MICAL3: variants seen among roughly 807,000 people sequenced by gnomAD.
MICAL3 encodes microtubule associated monooxygenase, calponin and LIM domain containing 3.
A neutral mutation model predicts 207.4 loss-of-function variants in MICAL3; 62 were observed. That is an observed-to-expected ratio of 0.30 (90% confidence interval 0.24 to 0.37). The LOEUF (loss-of-function observed/expected upper bound fraction) is 0.37. MICAL3 is among the 10% of genes least tolerant of loss of function. The pLI is 1.00. For missense variants in MICAL3, 2,368 were observed against 2,635.6 expected (o/e 0.90, Z 2.22); for synonymous variants, 1,077 against 1,069.3 (o/e 1.01, Z -0.14).
At chr22:17,962,118 T>C (rs1050225551) in intron 1 of MICAL3, among the ~76,000 whole-genome samples, 1 of 152,316 alleles carries the variant, frequency 6.6e-6, no homozygotes, top group Middle Eastern at 3.4e-3. Flanking sequence ...ATCGAGTGCT[T>C]GCTGACTGCA....
intron 1 of MICAL3, among the ~76,000 whole-genome samples, chr22:17,940,538 T>G (rs73876532): frequency 2.2e-3 from 328 of 152,232 alleles, no homozygotes; most frequent in African/African-American, 7.5e-3. Flanking sequence ...AGTGAAGGAC[T>G]AGTTCCATGA....
Position 17,929,755 on chromosome 22 carries a change from G to A in MICAL3, c.-74-22869C>T, listed in dbSNP as rs184969322. Reference sequence around the variant, plus strand: ...GCTAATTTTTTGTATTTTTAGTAGAGACAGGGTTTCACCTGATGCCCAGGC... The same window carrying A: ...GCTAATTTTTTGTATTTTTAGTAGAAACAGGGTTTCACCTGATGCCCAGGC... On this transcript the variant is annotated intron_variant, in intron 1 of 31. Transcript: ENST00000441493. Among the ~76,000 whole-genome samples the A allele has an allele frequency of 6.5e-3, 994 of 151,994 alleles. 10 individuals carry two copies. Among genetic ancestry groups the A allele is most frequent in the African/African-American group, 0.023 (963 of 41,486 alleles).
intron 19 of MICAL3, among the ~76,000 whole-genome samples, chr22:17,857,525 G>A (rs946799095): frequency 6.6e-6 from 1 of 152,238 alleles, no homozygotes; most frequent in Non-Finnish European, 1.5e-5. Context: ...GTGCAGGAGA[G>A]TTGATCACAG....
chr22:17,932,231 A>T (rs368204189), intron 1 of MICAL3, among the ~76,000 whole-genome samples: 2 of 152,176 alleles, frequency 1.3e-5, no homozygotes, highest in East Asian at 3.8e-4. Flanking sequence ...CCAGAGAGAA[A>T]GGTCGAGTTA....
intron 1 of MICAL3, among the ~76,000 whole-genome samples, chr22:18,012,458 T>G (rs2146505848): frequency 6.6e-6 from 1 of 152,262 alleles, no homozygotes; most frequent in African/African-American, 2.4e-5. Context: ...GGCCAGACAG[T>G]GCTGAGACCA....
intron 1 of MICAL3, among the ~76,000 whole-genome samples, chr22:17,982,162 G>A (rs1935940988): frequency 6.6e-6 from 1 of 152,194 alleles, no homozygotes; most frequent in East Asian, 1.9e-4. Flanking sequence ...GTAGGCCACG[G>A]CTCACTACTG....
intron 18 of MICAL3, among the ~76,000 whole-genome samples, chr22:17,865,428 G>A (rs552317673): frequency 1.3e-5 from 2 of 152,300 alleles, no homozygotes; most frequent in African/African-American, 4.8e-5. Flanking sequence ...AAGAGGATAA[G>A]GAAGGAAAAA....
Position 17,790,431 on chromosome 22 carries a change from A to C in MICAL3, c.*301T>G. The C allele has an allele frequency of 2.7e-6, 1 of 373,488 alleles. No individual in the cohort carries two copies. The highest frequency in any genetic ancestry group is 4.9e-6 in the Non-Finnish European group (1 of 205,008). 23.1% of individuals were successfully genotyped at this position (373,488 alleles called of 1,614,324 possible). Reference sequence around the variant, plus strand: ...GCCAGTGGAAAAAAGGGGCACAGCCAGCACATCCTCAGGGAGCGCGCGGGG... The same window carrying C: ...GCCAGTGGAAAAAAGGGGCACAGCCCGCACATCCTCAGGGAGCGCGCGGGG... On this transcript the variant is annotated 3_prime_UTR_variant, in exon 32 of 32. Coordinates refer to ENST00000441493, the MANE Select transcript of MICAL3 (RefSeq NM_015241.3).
chr22:17,947,427 C>T (rs1109052), intron 1 of MICAL3, among the ~76,000 whole-genome samples: 34,618 of 152,224 alleles, frequency 0.23, 4,547 homozygotes, highest in East Asian at 0.52. Context: ...CTCTCACCTT[C>T]ACCGTGTTCT....
At chr22:17,999,156 G>A (rs1035665422) in intron 1 of MICAL3, among the ~76,000 whole-genome samples, 2 of 152,146 alleles carry the variant, frequency 1.3e-5, no homozygotes, top group East Asian at 1.9e-4. Context: ...TGAAACCAAC[G>A]ACAACCAAAA....
chr22:17,891,486 T>C lies in MICAL3; in HGVS notation c.1693A>G (p.Ile565Val). Residue 565 changes from isoleucine to valine, a missense_variant and splice_region_variant, in exon 12 of 32, where the codon ATA (isoleucine) becomes GTA (valine). By Grantham distance (29) the Ile-to-Val change is conservative. Transcript: ENST00000441493. ...AIIHRYRPDL[I>V]DFDSLDEQNV... ...ACACAAAGTTTGATCACAACTTACA[T>C]CAGGTCAGGGCGGTATCTATGGATA... The C allele has an allele frequency of 1.2e-6, 2 of 1,613,860 alleles. No individual in the cohort carries two copies. The highest frequency in any genetic ancestry group is 1.7e-6 in the Non-Finnish European group (2 of 1,179,784).
intron 11 of MICAL3, among the ~76,000 whole-genome samples, chr22:17,892,860 G>A (rs926622887): frequency 1.5e-4 from 23 of 152,190 alleles, no homozygotes; most frequent in Non-Finnish European, 2.6e-4. Context: ...CCTTGCCTAC[G>A]CTGATGTAGC....
intron 7 of MICAL3, among the ~76,000 whole-genome samples, chr22:17,897,253 T>C (rs1208008049): frequency 1.3e-5 from 2 of 151,702 alleles, no homozygotes; most frequent in Admixed American, 1.3e-4. Context: ...TGAAACCCCA[T>C]CTGTACTAAA....
At chr22:17,957,856 C>A (rs945698898) in intron 1 of MICAL3, among the ~76,000 whole-genome samples, 1 of 151,952 alleles carries the variant, frequency 6.6e-6, no homozygotes, top group African/African-American at 2.4e-5. Flanking sequence ...TGGAGAGATC[C>A]CACCACGGCA....
At chr22:17,886,073 G>C (rs1458660728) in intron 15 of MICAL3, 22 bp from the exon 16 acceptor site, 1 of 1,612,288 alleles carries the variant, frequency 6.2e-7, no homozygotes, top group African/African-American at 1.3e-5. Context: ...CAACCCCAAA[G>C]AACCCGGCGC....
At chr22:17,835,971 T>C (rs1288480215) in intron 20 of MICAL3, among the ~76,000 whole-genome samples, 1 of 152,228 alleles carries the variant, frequency 6.6e-6, no homozygotes, top group African/African-American at 2.4e-5. Flanking sequence ...GCACCCCGAC[T>C]GTCCCCCGGT....
intron 16 of MICAL3, among the ~76,000 whole-genome samples, chr22:17,877,161 ATGG>A (rs1928690839): frequency 1.4e-5 from 2 of 138,662 alleles, no homozygotes; most frequent in African/African-American, 5.8e-5. Flanking sequence ...TAGGGAGGTT[ATGG>A]AGGTTAGGGA....
At chr22:17,915,730 T>C (rs1932454847) in intron 1 of MICAL3, among the ~76,000 whole-genome samples, 1 of 151,972 alleles carries the variant, frequency 6.6e-6, no homozygotes, top group Admixed American at 6.6e-5. Context: ...ATCGATGACA[T>C]GTCAACGGCA....
At position 17,896,840 on chromosome 22, in the gene MICAL3, G is replaced by A. The variant is rs759367623; in HGVS notation, c.1090C>T (p.Pro364Ser). The change falls in exon 8 of 32, where the codon CCC becomes TCC. Residue 364 changes from proline to serine, a missense_variant. Pro to Ser is a moderately conservative substitution (Grantham distance 74). Transcript: ENST00000441493. The stretch of plus-strand genomic sequence containing the variant: ...GTGAAGTCAAACATGGCCACATCGG[G>A]CTGCCCATAGTGATTGATGGCAAAA... ...LDFAINHYGQPDVAMFDFTCM... is the reference protein window; with the variant it reads ...LDFAINHYGQSDVAMFDFTCM... 1.2e-6 allele frequency: 2 copies of A among 1,614,146 alleles called. No homozygotes were observed. Among genetic ancestry groups the A allele is most frequent in the Non-Finnish European group, 1.7e-6 (2 of 1,180,042 alleles).
Sources: gnomAD v4.1 joint callset for allele counts (sites outside exome capture counted in the v4.1 genomes callset) on GRCh38, gnomAD v4.1.1 for gene constraint, MANE v1.5 for transcripts, NCBI Gene and HGNC (gene_info 2026-07-23, HGNC 2026-07-21) for gene names.